Variants in KATNA1 observed in about 807,000 individuals in gnomAD.
The protein encoded by KATNA1 is katanin catalytic subunit A1, also known as katanin p60 ATPase-containing subunit A1.
A neutral mutation model predicts 62.6 loss-of-function variants in KATNA1; 42 were observed. That is an observed-to-expected ratio of 0.67 (90% CI 0.52 to 0.87). KATNA1 has a LOEUF of 0.87. KATNA1 is among the 40% of genes least tolerant of loss of function. KATNA1 has a pLI of 0.00. For missense variants in KATNA1, 498 were observed against 612.5 expected (o/e 0.81, Z 1.97); for synonymous variants, 186 against 201.9 (o/e 0.92, Z 0.67).
At chr6:149,629,579 T>C (rs1779755570) in intron 3 of KATNA1, among the ~76,000 whole-genome samples, 1 of 152,034 alleles carries the variant, frequency 6.6e-6, no homozygotes, top group Non-Finnish European at 1.5e-5. Context: ...AGCAAGTAAA[T>C]AAGAATAAAA....
At chr6:149,598,013 C>A in intron 8 of KATNA1, 1 of 536,294 alleles carries the variant, frequency 1.9e-6, no homozygotes, top group Non-Finnish European at 3.2e-6. Flanking sequence ...TGTGTGTGGC[C>A]ATTAATTCTG....
At chr6:149,617,650 T>C (rs1210479567) in intron 4 of KATNA1, among the ~76,000 whole-genome samples, 4 of 149,048 alleles carry the variant, frequency 2.7e-5, no homozygotes, top group African/African-American at 5.0e-5. Context: ...AAATACAAAA[T>C]ATTGCCAGAC....
chr6:149,645,570 C>T (rs1226052414), intron 1 of KATNA1, among the ~76,000 whole-genome samples: 1 of 151,922 alleles, frequency 6.6e-6, no homozygotes, highest in Non-Finnish European at 1.5e-5. Context: ...ATGAGATTGC[C>T]CCAAAATTCA....
intron 10 of KATNA1, 152 bp downstream of exon 10, chr6:149,596,911 C>T (rs1778338551): frequency 4.5e-6 from 3 of 666,452 alleles, no homozygotes; most frequent in Non-Finnish European, 5.0e-6. Flanking sequence ...ATCACTTGAG[C>T]CCAGGAGTTT....
At chr6:149,633,024 G>T in intron 2 of KATNA1, 108 bp from the exon 3 acceptor site, 2 of 721,526 alleles carry the variant, frequency 2.8e-6, no homozygotes, top group Non-Finnish European at 4.4e-6. Flanking sequence ...TTTGATATCA[G>T]ATATCCAGTA....
intron 3 of KATNA1, among the ~76,000 whole-genome samples, chr6:149,626,946 T>A (rs1779636954): frequency 6.6e-6 from 1 of 151,840 alleles, no homozygotes; most frequent in South Asian, 2.1e-4. Flanking sequence ...GTCATGCCAC[T>A]GCACTCCAGC....
intron 4 of KATNA1, among the ~76,000 whole-genome samples, chr6:149,613,622 A>T (rs1045532682): frequency 1.3e-5 from 2 of 152,182 alleles, no homozygotes; most frequent in African/African-American, 4.8e-5. Context: ...CCTAAACAAA[A>T]ACTGCACCTG....
At chr6:149,615,132 CAAAAAAAAAAAAA>C (rs893824279) in intron 4 of KATNA1, among the ~76,000 whole-genome samples, 1 of 45,644 alleles carries the variant, frequency 2.2e-5, no homozygotes. Context: ...GACTCTGTCT[CAAAAAAAAAAAAA>C]AAAAAAAAAA....
intron 2 of KATNA1, 139 bp from the exon 3 acceptor site, chr6:149,633,055 T>A: frequency 1.8e-6 from 1 of 567,826 alleles, no homozygotes; most frequent in Non-Finnish European, 2.9e-6. Context: ...AGATATTCTA[T>A]CAAAATGTTA....
intron 2 of KATNA1, among the ~76,000 whole-genome samples, chr6:149,634,287 A>AC: frequency 3.3e-5 from 5 of 150,086 alleles, no homozygotes; most frequent in African/African-American, 9.8e-5. Flanking sequence ...AAATAAAATA[A>AC]AATAAAATAA....
At chr6:149,616,170 C>T (rs997458149) in intron 4 of KATNA1, among the ~76,000 whole-genome samples, 17 of 152,228 alleles carry the variant, frequency 1.1e-4, no homozygotes, top group African/African-American at 3.6e-4. Flanking sequence ...AATGTTGATA[C>T]GCTTAGTACA....
intron 4 of KATNA1, among the ~76,000 whole-genome samples, chr6:149,605,718 G>A (rs1163959167): frequency 2.0e-5 from 3 of 152,108 alleles, no homozygotes; most frequent in Non-Finnish European, 4.4e-5. Context: ...GGTAGTTCAC[G>A]ATTCCTACAT....
intron 3 of KATNA1, among the ~76,000 whole-genome samples, chr6:149,626,479 A>G (rs534489221): frequency 5.6e-4 from 82 of 147,222 alleles, no homozygotes; most frequent in African/African-American, 2.0e-3. Flanking sequence ...TATTTTTAGT[A>G]GAGACGGGGT....
intron 2 of KATNA1, among the ~76,000 whole-genome samples, chr6:149,637,242 T>C (rs1033731816): frequency 1.3e-5 from 2 of 151,534 alleles, no homozygotes; most frequent in Non-Finnish European, 2.9e-5. Flanking sequence ...GGAGATCCCA[T>C]CTCTACCAAA....
At chr6:149,600,770 TAAAAAAAAA>T (rs386408910) in intron 7 of KATNA1, among the ~76,000 whole-genome samples, 6 of 108,364 alleles carry the variant, frequency 5.5e-5, no homozygotes, top group African/African-American at 2.1e-4. Context: ...ACCCCATCTG[TAAAAAAAAA>T]AAAAAAAAAA....
At position 149,632,848 on chromosome 6, in the gene KATNA1, T is replaced by A; in HGVS notation, c.231A>T (p.Lys77Asn). The change falls in exon 3 of 11, where the codon AAA (lysine) becomes AAT (asparagine). Residue 77 changes from lysine to asparagine, a missense_variant. Around this residue, in one of 3 missense-constraint regions of KATNA1, gnomAD observed 203 missense variants for 198.4 expected, o/e 1.02. Transcript: ENST00000367411. ...KDIMKTLESFKLDSTPLKAAQ... is the reference protein window; with the variant it reads ...KDIMKTLESFNLDSTPLKAAQ... ...CCGCTTTCAAGGGAGTGCTGTCCAG[T>A]TTAAAGCTCTCTAGTGTTTTCATGA... is the stretch of plus-strand genomic sequence containing the variant. The A allele has an allele frequency of 6.2e-7, 1 of 1,613,644 alleles. No individual in the cohort carries two copies.
intron 1 of KATNA1, among the ~76,000 whole-genome samples, chr6:149,645,546 G>T (rs1309093599): frequency 6.6e-6 from 1 of 151,506 alleles, no homozygotes; most frequent in African/African-American, 2.4e-5. Flanking sequence ...AACATTAATA[G>T]AACACTTATA....
chr6:149,638,266 G>A, intron 2 of KATNA1, 120 bp downstream of exon 2: 1 of 929,100 alleles, frequency 1.1e-6, no homozygotes, highest in Non-Finnish European at 1.6e-6. Flanking sequence ...GAGCCACTGT[G>A]TACTGTGCTC....
intron 4 of KATNA1, among the ~76,000 whole-genome samples, chr6:149,616,092 T>C (rs1779157902): frequency 6.6e-6 from 1 of 152,192 alleles, no homozygotes; most frequent in Admixed American, 6.6e-5. Flanking sequence ...TATTGTTTAA[T>C]GAGTACAGAG....
Sources: gnomAD v4.1 joint callset for allele counts (sites outside exome capture counted in the v4.1 genomes callset) on GRCh38, gnomAD v4.1.1 for gene constraint, gnomAD v4.1.1 regional missense constraint, MANE v1.5 for transcripts, NCBI Gene and HGNC (gene_info 2026-07-23, HGNC 2026-07-21) for gene names.